FOXN3: variants seen among roughly 807,000 people sequenced by gnomAD.
The protein encoded by FOXN3 is forkhead box N3.
FOXN3 carries 7 observed loss-of-function variants against 38.4 expected under a neutral mutation model. That is an observed-to-expected ratio of 0.18 (90% confidence interval 0.10 to 0.34). The LOEUF (loss-of-function observed/expected upper bound fraction) is 0.34. FOXN3 is among the 10% of genes least tolerant of loss of function. The pLI, the probability that FOXN3 is intolerant of heterozygous loss-of-function variation, is 1.00. For missense variants in FOXN3, 456 were observed against 613.4 expected, an observed-to-expected ratio of 0.74 and a Z score of 2.71; for synonymous variants, 230 against 242.2, an observed-to-expected ratio of 0.95 and a Z score of 0.47.
rs1423419216 is a variant in FOXN3 at position 89,415,982 on chromosome 14, CAGA to C, written c.-15+886_-15+888del. Among the ~76,000 whole-genome samples the C allele has an allele frequency of 7.9e-5, 12 of 152,182 alleles. No individual in the cohort carries two copies. In the East Asian group the frequency reaches 1.9e-3, roughly 25 times the overall value. On this transcript the variant is annotated intron_variant, in intron 1 of 5. Transcript: ENST00000557258. ...AAAGCTTAGTTTCTCGCCTAGTAAA[CAGA>C]AGGTCTCCAAATAACTGACAAAGAC... is the stretch of plus-strand genomic sequence containing the variant.
chr14:89,473,319 C>T (rs770751714), intron 1 of FOXN3, among the ~76,000 whole-genome samples: 11 of 151,564 alleles, frequency 7.3e-5, no homozygotes, highest in East Asian at 2.0e-4. Flanking sequence ...CCACCGTGCC[C>T]GGCCAGAAGG....
chr14:89,314,624 G>A (rs1010700490), intron 3 of FOXN3, among the ~76,000 whole-genome samples: 1 of 152,160 alleles, frequency 6.6e-6, no homozygotes, highest in African/African-American at 2.4e-5. Context: ...CTTAATAAGT[G>A]TCGTGCAACA....
chr14:89,199,620 A>C (rs554320191), intron 4 of FOXN3, among the ~76,000 whole-genome samples: 1 of 152,306 alleles, frequency 6.6e-6, no homozygotes, highest in Non-Finnish European at 1.5e-5. Context: ...TACAAATACT[A>C]CACTATTTGT....
At chr14:89,462,349 ATTTC>A (rs1476602282) in intron 1 of FOXN3, among the ~76,000 whole-genome samples, 3 of 152,264 alleles carry the variant, frequency 2.0e-5, no homozygotes, top group South Asian at 2.1e-4. Context: ...TTCCAGTGTA[ATTTC>A]TTTATTTTAA....
chr14:89,395,820 G>T (rs368949466), intron 2 of FOXN3, among the ~76,000 whole-genome samples: 3 of 152,066 alleles, frequency 2.0e-5, no homozygotes, highest in Admixed American at 6.6e-5. Context: ...GGCTGGAGGG[G>T]GGGGAGTTTC....
At chr14:89,389,196 T>C (rs1459656290) in intron 2 of FOXN3, among the ~76,000 whole-genome samples, 3 of 152,250 alleles carry the variant, frequency 2.0e-5, no homozygotes, top group Non-Finnish European at 2.9e-5. Context: ...TCTGATTCTT[T>C]CCTGCAAACG....
At position 89,360,751 on chromosome 14, in the gene FOXN3, C is replaced by CACCACCACCTCCAG. The variant is rs1889484162; in HGVS notation, c.544-9944_544-9943insCTGGAGGTGGTGGT. 4.7e-5 allele frequency among the ~76,000 whole-genome samples: 4 copies of CACCACCACCTCCAG among 85,910 alleles called. 1 individual carries two copies. The highest frequency in any genetic ancestry group is 1.0e-4 in the African/African-American group (2 of 19,496). 56.4% of individuals were successfully genotyped at this position (85,910 alleles called of 152,430 possible). On this transcript the variant is annotated intron_variant, in intron 2 of 5. Coordinates refer to ENST00000557258, the MANE Select transcript of FOXN3 (RefSeq NM_005197.4). ...ACCACCACCTCCAGCACCACCTCCA[C>CACCACCACCTCCAG]CACCACCTCCACCACTACCACCTCC...
chr14:89,260,560 T>A (rs1176377391), intron 4 of FOXN3, among the ~76,000 whole-genome samples: 1 of 152,266 alleles, frequency 6.6e-6, no homozygotes, highest in Admixed American at 6.5e-5. Context: ...CAGGGTCATG[T>A]GTACGGCAAT....
Position 89,246,542 on chromosome 14 carries a change from C to CTTTTTTTTTTTTTTTTTT in FOXN3, c.745+34390_745+34407dup. Among the ~76,000 whole-genome samples, 2 of 83,986 alleles carry CTTTTTTTTTTTTTTTTTT rather than the reference C, an allele frequency of 2.4e-5. 1 individual carries two copies. 55.1% of individuals were successfully genotyped at this position (83,986 alleles called of 152,430 possible). On this transcript the variant is annotated intron_variant, in intron 4 of 5. Transcript: ENST00000557258. ...TTCTCATCTTATTTGCAGGATGCGG[C>CTTTTTTTTTTTTTTTTTT]TTTTTTTTTTTTTTTTTTGAGACAG...
intron 2 of FOXN3, among the ~76,000 whole-genome samples, chr14:89,352,651 T>C (rs942750233): frequency 1.3e-5 from 2 of 152,156 alleles, no homozygotes; most frequent in Admixed American, 6.5e-5. Flanking sequence ...ACCCAAACAT[T>C]TCTGCAATGA....
At chr14:89,330,973 C>T (rs1732112950) in intron 3 of FOXN3, among the ~76,000 whole-genome samples, 1 of 152,244 alleles carries the variant, frequency 6.6e-6, no homozygotes, top group African/African-American at 2.4e-5. Context: ...GGTCTGTCTA[C>T]AAGAAATGCT....
At chr14:89,554,873 C>T (rs1020679976) in intron 1 of FOXN3, among the ~76,000 whole-genome samples, 1 of 144,370 alleles carries the variant, frequency 6.9e-6, no homozygotes, top group African/African-American at 2.6e-5. Context: ...ACTGAAACCT[C>T]AGCCTCCCAG....
chr14:89,173,378 A>G (rs555361032), intron 5 of FOXN3, among the ~76,000 whole-genome samples: 1 of 152,380 alleles, frequency 6.6e-6, no homozygotes, highest in Admixed American at 6.5e-5. Context: ...ATTGGAAACA[A>G]GCACTTTACA....
chr14:89,547,902 T>C (rs1894917054), intron 1 of FOXN3, among the ~76,000 whole-genome samples: 1 of 152,138 alleles, frequency 6.6e-6, no homozygotes, highest in Non-Finnish European at 1.5e-5. Context: ...TGCCAGGAGA[T>C]TTTGCTTCAC....
chr14:89,446,857 C>T (rs1018129191), intron 1 of FOXN3, among the ~76,000 whole-genome samples: 1 of 152,206 alleles, frequency 6.6e-6, no homozygotes, highest in East Asian at 1.9e-4. Flanking sequence ...GCCAAATGAA[C>T]AGCCAGATTC....
intron 4 of FOXN3, among the ~76,000 whole-genome samples, chr14:89,260,164 C>T (rs7147288): frequency 0.82 from 125,169 of 152,268 alleles, 51,517 homozygotes; most frequent in African/African-American, 0.86. Context: ...AATAGCTTAC[C>T]GGTCCTCACC....
Position 89,611,719 on chromosome 14 carries a change from C to T in FOXN3, c.-15+7309G>A, listed in dbSNP as rs369036174. 3.2e-3 allele frequency among the ~76,000 whole-genome samples: 469 copies of T among 148,818 alleles called. 3 individuals carry two copies. Among genetic ancestry groups the T allele is most frequent in the African/African-American group, 0.01 (402 of 39,984 alleles). On this transcript the variant is annotated intron_variant, in intron 1 of 6. Coordinates refer to the FOXN3 transcript ENST00000345097. ...TGCTGGGGAGGCTGAGGCAGGAGAACGGCGTGAACCTGGGAGGCGGAGCTT... is the reference window on the plus strand; with the variant it reads ...TGCTGGGGAGGCTGAGGCAGGAGAATGGCGTGAACCTGGGAGGCGGAGCTT...
intron 3 of FOXN3, among the ~76,000 whole-genome samples, chr14:89,315,652 T>C (rs751441610): frequency 8.2e-4 from 125 of 152,328 alleles, no homozygotes; most frequent in Middle Eastern, 3.4e-3. Context: ...CAGGGCAGGC[T>C]GAGAAAACTG....
intron 4 of FOXN3, among the ~76,000 whole-genome samples, chr14:89,266,989 G>C (rs1013547735): frequency 6.6e-6 from 1 of 152,198 alleles, no homozygotes; most frequent in South Asian, 2.1e-4. Context: ...TGACACGTGT[G>C]TATGTAAAAG....
Sources: allele counts gnomAD v4.1 joint callset (sites outside exome capture counted in the v4.1 genomes callset), GRCh38; gene constraint gnomAD v4.1.1; transcripts MANE v1.5; gene names NCBI Gene and HGNC (gene_info 2026-07-23, HGNC 2026-07-21).